Variants in IL4 observed in about 807,000 individuals in gnomAD.
IL4 encodes the protein interleukin 4, also known as interleukin-4.
In IL4, 10 loss-of-function variants were observed where a neutral mutation model predicts 17.4. The ratio of observed to expected loss-of-function variants is 0.57; its 90% confidence interval spans 0.35 to 0.97. The LOEUF is 0.97. IL4 is among the 50% of genes least tolerant of loss of function. The pLI, the probability that IL4 is intolerant of heterozygous loss-of-function variation, is 0.01. For missense variants in IL4, 174 were observed against 187.7 expected (o/e 0.93, Z 0.43); for synonymous variants, 87 against 79.0 (o/e 1.10, Z -0.54).
chr5:132,674,352 T>C, intron 1 of IL4, 107 bp from the exon 2 acceptor site: 2 of 1,384,684 alleles, frequency 1.4e-6, no homozygotes, highest in Non-Finnish European at 2.0e-6. Flanking sequence ...TGAGGGTTTG[T>C]AGGAAGTTTC....
Position 132,682,514 on chromosome 5 carries a change from A to G in IL4, c.389A>G (p.Gln130Arg). The G allele has an allele frequency of 1.9e-6, 3 of 1,609,988 alleles. No individual in the cohort carries two copies. The highest frequency in any genetic ancestry group is 2.6e-6 in the Non-Finnish European group (3 of 1,176,346). ...LNSCPVKEAN[Q>R]STLENFLERL... Reference sequence around the variant, plus strand: ...TCCTGTCCTGTGAAGGAAGCCAACCAGAGTACGTTGGAAAACTTCTTGGAA... The same window carrying G: ...TCCTGTCCTGTGAAGGAAGCCAACCGGAGTACGTTGGAAAACTTCTTGGAA... The change falls in exon 4 of 4, where the codon CAG (glutamine) becomes CGG (arginine). Residue 130 changes from glutamine (Q) to arginine (R), a missense_variant. Physicochemically the swap from Gln to Arg is conservative, Grantham distance 43. Coordinates refer to ENST00000231449, the MANE Select transcript of IL4 (RefSeq NM_000589.4).
At chr5:132,679,186 G>T (rs1365078536) in intron 2 of IL4, among the ~76,000 whole-genome samples, 2 of 152,216 alleles carry the variant, frequency 1.3e-5, no homozygotes, top group African/African-American at 2.4e-5. Context: ...CACGGAGAGT[G>T]CTGGCCAAAG....
chr5:132,675,901 ATG>A (rs1246332675), intron 2 of IL4, among the ~76,000 whole-genome samples: 3 of 126,758 alleles, frequency 2.4e-5, no homozygotes, highest in African/African-American at 6.5e-5. Flanking sequence ...GTGTATATAT[ATG>A]TGTGTATGTA....
At chr5:132,675,929 A>ATGTGTGTGTGTGTGTGTGTGTGTGTGTG (rs2234664) in intron 2 of IL4, among the ~76,000 whole-genome samples, 2 of 140,942 alleles carry the variant, frequency 1.4e-5, no homozygotes, top group African/African-American at 2.7e-5. Context: ...GTGTATGTAT[A>ATGTGTGTGTGTGTGTGTGTGTGTGTGTG]TGTGTGTGTG....
intron 2 of IL4, among the ~76,000 whole-genome samples, chr5:132,678,364 T>C (rs1752422465): frequency 6.6e-6 from 1 of 152,258 alleles, no homozygotes; most frequent in Non-Finnish European, 1.5e-5. Context: ...TTGACCCCTA[T>C]TTTAAAAAGT....
chr5:132,674,748 C>T (rs1752347568), intron 2 of IL4, among the ~76,000 whole-genome samples: 1 of 152,194 alleles, frequency 6.6e-6, no homozygotes, highest in Admixed American at 6.5e-5. Context: ...AGATCCTGGT[C>T]AAAGAAAAGC....
intron 3 of IL4, among the ~76,000 whole-genome samples, chr5:132,681,669 G>A (rs1322399034): frequency 6.6e-6 from 1 of 152,200 alleles, no homozygotes; most frequent in African/African-American, 2.4e-5. Context: ...ACTGAAGAGA[G>A]CAGAAAGAGG....
chr5:132,679,980 C>A, intron 3 of IL4, 90 bp downstream of exon 3: 1 of 1,095,062 alleles, frequency 9.1e-7, no homozygotes, highest in Non-Finnish European at 1.3e-6. Context: ...AGCTGCAGCA[C>A]CCTTGGTCAA....
In IL4 at chr5:132,679,759, C is replaced by T. The variant is rs1329751852; in HGVS notation, c.229C>T (p.Arg77Trp). Residue 77 changes from arginine to tryptophan, a missense_variant, in exon 3 of 4, where the codon CGG (arginine) becomes TGG (tryptophan). Coordinates refer to ENST00000231449, the MANE Select transcript of IL4 (RefSeq NM_000589.4). ...ETFCRAATVL[R>W]QFYSHHEKDT... ...CTTCTGCAGGGCTGCGACTGTGCTC[C>T]GGCAGTTCTACAGCCACCATGAGAA... 5.6e-6 allele frequency: 9 copies of T among 1,613,972 alleles called. No homozygotes were observed. Among genetic ancestry groups the T allele is most frequent in the Non-Finnish European group, 7.6e-6 (9 of 1,179,982 alleles).
chr5:132,675,598 G>A (rs1752361275), intron 2 of IL4, among the ~76,000 whole-genome samples: 1 of 151,418 alleles, frequency 6.6e-6, no homozygotes, highest in African/African-American at 2.4e-5. Context: ...ACCCAGGCTG[G>A]AGTGCAGTGG....
At chr5:132,678,979 C>T (rs1752434011) in intron 2 of IL4, among the ~76,000 whole-genome samples, 1 of 152,228 alleles carries the variant, frequency 6.6e-6, no homozygotes, top group Admixed American at 6.5e-5. Context: ...GATTCTCACT[C>T]CGCATCATTT....
chr5:132,679,828 C>T lies in IL4; in HGVS notation c.298C>T (p.His100Tyr). Residue 100 changes from histidine (H) to tyrosine (Y), a missense_variant, in exon 3 of 4, where the codon CAC becomes TAC. Coordinates refer to ENST00000231449, the MANE Select transcript of IL4 (RefSeq NM_000589.4). ...TGCGACTGCACAGCAGTTCCACAGG[C>T]ACAAGCAGCTGATCCGATTCCTGAA... is the stretch of plus-strand genomic sequence containing the variant. ...LGATAQQFHR[H>Y]KQLIRFLKRL... 6.2e-7 allele frequency: 1 copy of T among 1,613,968 alleles called. No individual in the cohort carries two copies. The highest frequency in any genetic ancestry group is 1.1e-5 in the South Asian group (1 of 91,076).
intron 2 of IL4, among the ~76,000 whole-genome samples, chr5:132,678,804 CT>C (rs532186051): frequency 4.9e-4 from 74 of 152,306 alleles, no homozygotes; most frequent in African/African-American, 1.7e-3. Flanking sequence ...CATCTTTGTT[CT>C]TCAGTGAAAA....
At chr5:132,682,457 T>C (rs753428723) in intron 3 of IL4, 29 bp from the exon 4 acceptor site, 1 of 1,317,952 alleles carries the variant, frequency 7.6e-7, no homozygotes, top group East Asian at 2.3e-5. Context: ...TGCTTACCAA[T>C]GCAAGCTAAT....
chr5:132,675,000 C>T (rs1253403605), intron 2 of IL4, among the ~76,000 whole-genome samples: 1 of 152,222 alleles, frequency 6.6e-6, no homozygotes, highest in Non-Finnish European at 1.5e-5. Flanking sequence ...CCTAACAGCC[C>T]TCTGGGTTCC....
chr5:132,682,353 C>T (rs989231271), intron 3 of IL4, 133 bp from the exon 4 acceptor site: 20 of 590,666 alleles, frequency 3.4e-5, no homozygotes, highest in East Asian at 3.3e-4. Flanking sequence ...GAGACAACTC[C>T]CAGTCAGGCT....
chr5:132,675,470 C>T (rs1264972382), intron 2 of IL4, among the ~76,000 whole-genome samples: 1 of 135,712 alleles, frequency 7.4e-6, no homozygotes, highest in South Asian at 2.2e-4. Flanking sequence ...AACTGCTCTT[C>T]GGGCCTTTAG....
Position 132,679,845 on chromosome 5 carries a change from A to T in IL4, c.315A>T (p.Arg105=). Residue 105 remains arginine (R), a synonymous_variant, in exon 3 of 4, where the codon CGA becomes CGT. Coordinates refer to ENST00000231449, the MANE Select transcript of IL4 (RefSeq NM_000589.4). ...TCCACAGGCACAAGCAGCTGATCCG[A>T]TTCCTGAAACGGCTCGACAGGAACC... ...QQFHRHKQLI[R]FLKRLDRNLW... 2.5e-6 allele frequency: 4 copies of T among 1,613,892 alleles called. No individual in the cohort carries two copies. The South Asian group carries it at 4.4e-5, about 18-fold the overall frequency.
intron 2 of IL4, among the ~76,000 whole-genome samples, chr5:132,674,866 C>T (rs1041893545): frequency 6.6e-6 from 1 of 152,196 alleles, no homozygotes; most frequent in Non-Finnish European, 1.5e-5. Flanking sequence ...TCTGAAAAAC[C>T]AAATACTCTC....
Sources: allele counts gnomAD v4.1 joint callset (sites outside exome capture counted in the v4.1 genomes callset), GRCh38; gene constraint gnomAD v4.1.1; transcripts MANE v1.5; gene names NCBI Gene and HGNC (gene_info 2026-07-23, HGNC 2026-07-21).